Variants in DAB1 observed in about 807,000 individuals in gnomAD.
The protein encoded by DAB1 is disabled homolog 1.
Under a neutral mutation model 64.6 loss-of-function variants are expected in DAB1, and 15 were observed. That is an observed-to-expected ratio of 0.23 (90% confidence interval 0.16 to 0.36). The LOEUF (loss-of-function observed/expected upper bound fraction) is 0.36, where lower values mean the gene tolerates loss of function less well. Among genes scored for constraint, DAB1 ranks in the 10% least tolerant of loss-of-function variants. The pLI, the probability that DAB1 is intolerant of heterozygous loss-of-function variation, is 1.00. For missense variants in DAB1, 596 were observed against 706.7 expected, an observed-to-expected ratio of 0.84 and a Z score of 1.78; for synonymous variants, 235 against 251.9, an observed-to-expected ratio of 0.93 and a Z score of 0.64.
At chr1:58,133,799 C>G (rs923785687) in intron 5 of DAB1, among the ~76,000 whole-genome samples, 2 of 152,204 alleles carry the variant, frequency 1.3e-5, no homozygotes, top group African/African-American at 2.4e-5. Context: ...TGCAGAAGGA[C>G]AGCCAGCTTG....
intron 4 of DAB1, among the ~76,000 whole-genome samples, chr1:58,337,368 T>C (rs1195777866): frequency 6.6e-6 from 1 of 151,736 alleles, no homozygotes; most frequent in Non-Finnish European, 1.5e-5. Context: ...GCAGCTTATA[T>C]AGTAAATAAT....
chr1:58,277,792 C>T (rs1241826024), intron 4 of DAB1, among the ~76,000 whole-genome samples: 1 of 152,184 alleles, frequency 6.6e-6, no homozygotes, highest in African/African-American at 2.4e-5. Context: ...TTTCTTGACC[C>T]CATAGCCTCT....
chr1:57,116,332 C>T (rs757076916), intron 4 of DAB1, among the ~76,000 whole-genome samples: 7 of 151,506 alleles, frequency 4.6e-5, no homozygotes, highest in South Asian at 2.1e-4. Context: ...CCCAGTGGCA[C>T]GCGCCTGTAA....
chr1:57,317,998 C>T (rs778358036), intron 1 of DAB1, among the ~76,000 whole-genome samples: 28 of 151,970 alleles, frequency 1.8e-4, no homozygotes, highest in Non-Finnish European at 3.8e-4. Flanking sequence ...ATTTTACAGT[C>T]AATGCCATTT....
intron 6 of DAB1, among the ~76,000 whole-genome samples, chr1:57,661,141 G>T (rs1400537063): frequency 6.6e-6 from 1 of 151,040 alleles, no homozygotes; most frequent in Non-Finnish European, 1.5e-5. Flanking sequence ...AAAAAAAAAA[G>T]GTACTAGTGA....
At position 57,077,852 on chromosome 1, in the gene DAB1, T is replaced by A. The variant is rs117321238; in HGVS notation, c.307-5438A>T. On this transcript the variant is annotated intron_variant, in intron 4 of 14. Coordinates refer to ENST00000371236, the MANE Select transcript of DAB1 (RefSeq NM_001365792.1). ...TAGTATGTGTGTGTATGTGTGTGTG[T>A]GAGAGTGTGTGCTTTCCCGAGGCAA... Among the ~76,000 whole-genome samples the A allele has an allele frequency of 2.3e-3, 345 of 152,170 alleles. 13 individuals carry two copies. The East Asian group carries it at 0.058, about 26-fold the overall frequency.
chr1:58,125,459 G>A (rs998347718), intron 5 of DAB1, among the ~76,000 whole-genome samples: 2 of 130,058 alleles, frequency 1.5e-5, no homozygotes, highest in African/African-American at 3.0e-5. Context: ...TTTTTTTTTC[G>A]AGACAGGATC....
chr1:57,561,638 C>T (rs542499728), intron 7 of DAB1, among the ~76,000 whole-genome samples: 1 of 152,186 alleles, frequency 6.6e-6, no homozygotes, highest in African/African-American at 2.4e-5. Context: ...TCTGTGGACA[C>T]CACTCAGCCT....
At chr1:58,313,841 G>GTC (rs1662485503) in intron 4 of DAB1, among the ~76,000 whole-genome samples, 1 of 142,748 alleles carries the variant, frequency 7.0e-6, no homozygotes, top group African/African-American at 2.7e-5. Context: ...GTGTGTGTGT[G>GTC]TGTGTGTGTG....
chr1:57,390,572 A>G (rs1682265631), intron 1 of DAB1, among the ~76,000 whole-genome samples: 2 of 152,194 alleles, frequency 1.3e-5, no homozygotes, highest in African/African-American at 4.8e-5. Context: ...GAGCCCTGGC[A>G]TATAACCTTC....
intron 7 of DAB1, among the ~76,000 whole-genome samples, chr1:57,579,461 G>C (rs888766154): frequency 6.6e-6 from 1 of 152,152 alleles, no homozygotes; most frequent in Non-Finnish European, 1.5e-5. Context: ...GGTTAACTGA[G>C]GGGAAGCCTA....
At chr1:57,734,458 A>G (rs1428374505) in intron 6 of DAB1, among the ~76,000 whole-genome samples, 1 of 152,102 alleles carries the variant, frequency 6.6e-6, no homozygotes, top group African/African-American at 2.4e-5. Context: ...TATAACTCCA[A>G]CCCCATTAGC....
At chr1:58,457,851 G>A (rs1191532363) in intron 3 of DAB1, among the ~76,000 whole-genome samples, 1 of 152,176 alleles carries the variant, frequency 6.6e-6, no homozygotes, top group African/African-American at 2.4e-5. Context: ...ATAATTGGCT[G>A]TTGTTGACGG....
chr1:58,397,048 G>T (rs11806013), intron 3 of DAB1, among the ~76,000 whole-genome samples: 195 of 149,544 alleles, frequency 1.3e-3, no homozygotes, highest in African/African-American at 4.6e-3. Context: ...CTGGGCGACG[G>T]AGCGAGACTC....
intron 7 of DAB1, among the ~76,000 whole-genome samples, chr1:57,612,930 G>A (rs1201791630): frequency 1.3e-5 from 2 of 152,148 alleles, no homozygotes; most frequent in East Asian, 3.9e-4. Context: ...GTACATGGGT[G>A]TCTTCTACAT....
chr1:57,393,414 C>T (rs1489897523), intron 1 of DAB1, among the ~76,000 whole-genome samples: 3 of 151,938 alleles, frequency 2.0e-5, no homozygotes, highest in East Asian at 1.9e-4. Context: ...ATCAGGAGGC[C>T]GGGTGCAGTG....
intron 1 of DAB1, among the ~76,000 whole-genome samples, chr1:57,333,869 G>T (rs916888864): frequency 6.6e-6 from 1 of 152,122 alleles, no homozygotes; most frequent in Non-Finnish European, 1.5e-5. Context: ...ATAAGTGAAC[G>T]TCTACTCCAA....
At chr1:57,143,159 A>C (rs1658776768) in intron 3 of DAB1, among the ~76,000 whole-genome samples, 1 of 152,172 alleles carries the variant, frequency 6.6e-6, no homozygotes, top group South Asian at 2.1e-4. Flanking sequence ...CTCATGCACG[A>C]GTCATGGGTC....
At chr1:57,399,917 ATAATTG>A (rs1289780945) in intron 1 of DAB1, among the ~76,000 whole-genome samples, 1 of 152,222 alleles carries the variant, frequency 6.6e-6, no homozygotes, top group Non-Finnish European at 1.5e-5. Flanking sequence ...AGTGAAAATG[ATAATTG>A]CTCTATATGG....
Sources: allele counts gnomAD v4.1 joint callset (sites outside exome capture counted in the v4.1 genomes callset), GRCh38; gene constraint gnomAD v4.1.1; transcripts MANE v1.5; gene names NCBI Gene and HGNC (gene_info 2026-07-23, HGNC 2026-07-21).